The following ACBD6 variants were observed in gnomAD, a reference collection of about 807,000 sequenced individuals.
ACBD6 encodes the protein acyl-CoA binding domain containing 6.
A neutral mutation model predicts 37.2 loss-of-function variants in ACBD6; 28 were observed. That is an observed-to-expected ratio of 0.75 (90% CI 0.56 to 1.03). The LOEUF (loss-of-function observed/expected upper bound fraction) is 1.03, where lower values mean the gene tolerates loss of function less well. ACBD6 is among the 50% of genes least tolerant of loss of function. The pLI, the probability that ACBD6 is intolerant of heterozygous loss-of-function variation, is 0.00. For missense variants in ACBD6, 340 were observed against 337.4 expected (o/e 1.01, Z -0.06); for synonymous variants, 113 against 126.8 (o/e 0.89, Z 0.73).
chr1:180,352,564 G>A (rs1652460077), intron 6 of ACBD6, among the ~76,000 whole-genome samples: 1 of 152,198 alleles, frequency 6.6e-6, no homozygotes, highest in African/African-American at 2.4e-5. Context: ...GCTTCCTACT[G>A]AGAGGGGGCC....
intron 3 of ACBD6, among the ~76,000 whole-genome samples, chr1:180,445,901 C>A (rs1203616126): frequency 1.3e-5 from 2 of 152,144 alleles, no homozygotes; most frequent in Admixed American, 6.6e-5. Context: ...ATTCCAAAGC[C>A]TGTGTTCTAT....
At chr1:180,296,090 T>C (rs1173175740) in intron 7 of ACBD6, among the ~76,000 whole-genome samples, 1 of 152,098 alleles carries the variant, frequency 6.6e-6, no homozygotes, top group Non-Finnish European at 1.5e-5. Context: ...AACATACAAA[T>C]GACAGGAAAG....
At chr1:180,340,967 G>A (rs945726296) in intron 6 of ACBD6, among the ~76,000 whole-genome samples, 5 of 152,158 alleles carry the variant, frequency 3.3e-5, no homozygotes, top group African/African-American at 1.2e-4. Context: ...CTAACTGGTA[G>A]AGTTCATGGG....
chr1:180,388,000 C>T (rs1653909267), intron 6 of ACBD6, among the ~76,000 whole-genome samples: 1 of 144,176 alleles, frequency 6.9e-6, no homozygotes, highest in Non-Finnish European at 1.5e-5. Context: ...ATGATGAAAC[C>T]CCGTCTCTAC....
At chr1:180,501,996 G>T in intron 1 of ACBD6, 49 bp downstream of exon 1, 1 of 1,578,576 alleles carries the variant, frequency 6.3e-7, no homozygotes, top group South Asian at 1.1e-5. Flanking sequence ...TGTTGAGGAA[G>T]AAGGCTCCGT....
intron 3 of ACBD6, among the ~76,000 whole-genome samples, chr1:180,444,356 T>C (rs963460615): frequency 6.6e-6 from 1 of 152,102 alleles, no homozygotes; most frequent in Non-Finnish European, 1.5e-5. Context: ...AATTTGATTA[T>C]GGTATATTCT....
Position 180,397,588 on chromosome 1 carries a change from G to T in ACBD6, c.591C>A (p.His197Gln), listed in dbSNP as rs1295203212. The change falls in exon 6 of 8, where the codon CAC (histidine) becomes CAA (glutamine). Residue 197 changes from histidine (H) to glutamine (Q), a missense_variant. Physicochemically the swap from His to Gln is conservative, Grantham distance 24. Coordinates refer to ENST00000367595, the MANE Select transcript of ACBD6 (RefSeq NM_032360.4). The part of the protein sequence containing the change: ...VKDEEGRALL[H>Q]WACDRGHKEL... ...CCTTATGTCCTCGATCACAGGCCCA[G>T]TGAAGTAGAGCCCTACCCTAAAAAC... 1.9e-6 allele frequency: 3 copies of T among 1,613,930 alleles called. No individual in the cohort carries two copies. Among genetic ancestry groups the T allele is most frequent in the Non-Finnish European group, 1.7e-6 (2 of 1,179,830 alleles).
At chr1:180,419,772 G>A (rs1330253029) in intron 4 of ACBD6, among the ~76,000 whole-genome samples, 2 of 152,158 alleles carry the variant, frequency 1.3e-5, no homozygotes, top group Non-Finnish European at 2.9e-5. Context: ...AAGTGGAAGT[G>A]GATCATCATA....
Position 180,315,048 on chromosome 1 carries a change from C to T in ACBD6, c.664-326G>A, listed in dbSNP as rs1650743984. 2.0e-5 allele frequency among the ~76,000 whole-genome samples: 3 copies of T among 151,900 alleles called. No individual in the cohort carries two copies. In the South Asian group the frequency reaches 6.2e-4, roughly 32 times the overall value. ...CTAGTTCATGGCAGAAAAATTGACA[C>T]TATGTCTCATTTATCTTGGCCAGTA... On this transcript the variant is annotated intron_variant, in intron 6 of 7. Transcript: ENST00000367595.
At chr1:180,383,475 C>T (rs1441334543) in intron 6 of ACBD6, among the ~76,000 whole-genome samples, 2 of 151,806 alleles carry the variant, frequency 1.3e-5, no homozygotes, top group African/African-American at 4.8e-5. Flanking sequence ...TAAATTTAAC[C>T]AAGGAGGTGA....
At chr1:180,445,035 A>G (rs1366850220) in intron 3 of ACBD6, among the ~76,000 whole-genome samples, 1 of 152,206 alleles carries the variant, frequency 6.6e-6, no homozygotes. Context: ...TAACTGTAGA[A>G]TGCTGGGAAA....
intron 7 of ACBD6, among the ~76,000 whole-genome samples, chr1:180,311,237 T>G (rs1418742716): frequency 6.6e-6 from 1 of 151,988 alleles, no homozygotes; most frequent in Non-Finnish European, 1.5e-5. Flanking sequence ...TCTGCATCGC[T>G]CTGATGGGAC....
intron 6 of ACBD6, among the ~76,000 whole-genome samples, chr1:180,341,593 C>T (rs1389646348): frequency 6.6e-6 from 1 of 152,074 alleles, no homozygotes; most frequent in African/African-American, 2.4e-5. Context: ...CCATTTCTCT[C>T]CTCTTTACAG....
intron 6 of ACBD6, among the ~76,000 whole-genome samples, chr1:180,317,543 G>C (rs1400464774): frequency 1.3e-5 from 2 of 152,172 alleles, no homozygotes; most frequent in African/African-American, 4.8e-5. Context: ...AAGAAAATTA[G>C]AAAAGGGTAT....
rs201310764 is a variant in ACBD6 at position 180,303,473 on chromosome 1, A to G, written c.694+11219T>C. On this transcript the variant is annotated intron_variant, in intron 7 of 7. Transcript: ENST00000367595. ...CAAACTACCATCAGAGAATATTATA[A>G]ACACCTCTACGCAAATAAACTAGAA... 4.0e-5 allele frequency among the ~76,000 whole-genome samples: 6 copies of G among 150,974 alleles called. No homozygotes were observed. In the East Asian group the frequency reaches 1.2e-3, roughly 29 times the overall value.
At chr1:180,439,327 G>A (rs947170445) in intron 3 of ACBD6, among the ~76,000 whole-genome samples, 2 of 152,154 alleles carry the variant, frequency 1.3e-5, no homozygotes, top group Non-Finnish European at 2.9e-5. Flanking sequence ...GCTCACGCCT[G>A]TAATCCCAGC....
chr1:180,449,645 T>A (rs1414153922), intron 3 of ACBD6, among the ~76,000 whole-genome samples: 1 of 151,872 alleles, frequency 6.6e-6, no homozygotes, highest in Non-Finnish European at 1.5e-5. Context: ...TGACCTCAAG[T>A]GATCTGCCCT....
intron 7 of ACBD6, among the ~76,000 whole-genome samples, chr1:180,292,879 CCTA>C (rs543029264): frequency 1.1e-3 from 171 of 151,988 alleles, no homozygotes; most frequent in African/African-American, 4.1e-3. Context: ...AAAGAAATTC[CCTA>C]CTATTTCCTA....
At chr1:180,294,701 GTT>G (rs557914420) in intron 7 of ACBD6, among the ~76,000 whole-genome samples, 1 of 143,110 alleles carries the variant, frequency 7.0e-6, no homozygotes, top group Admixed American at 7.0e-5. Context: ...TTTGCCTTTT[GTT>G]TTTTTTTTTG....
Sources: gnomAD v4.1 joint callset for allele counts (sites outside exome capture counted in the v4.1 genomes callset) on GRCh38, gnomAD v4.1.1 for gene constraint, MANE v1.5 for transcripts, NCBI Gene and HGNC (gene_info 2026-07-23, HGNC 2026-07-21) for gene names.